MYO18A: variants seen among roughly 807,000 people sequenced by gnomAD.
MYO18A encodes unconventional myosin-XVIIIa.
Under a neutral mutation model 235.8 loss-of-function variants are expected in MYO18A, and 78 were observed. The ratio of observed to expected loss-of-function variants is 0.33; its 90% CI spans 0.28 to 0.40. The LOEUF (loss-of-function observed/expected upper bound fraction) is 0.40. Ranked by LOEUF, MYO18A falls within the 10% of genes least tolerant of loss-of-function variation. MYO18A has a pLI of 1.00. For missense variants in MYO18A, 2,215 were observed against 2,699.3 expected (o/e 0.82, Z 3.98); for synonymous variants, 977 against 1,077.8 (o/e 0.91, Z 1.83).
intron 2 of MYO18A, chr17:29,128,290 G>C: frequency 8.4e-7 from 1 of 1,195,346 alleles, no homozygotes; most frequent in Non-Finnish European, 1.1e-6. Flanking sequence ...CTCTGCCTGG[G>C]GTCTCCTTGG....
chr17:29,140,286 A>G lies in MYO18A; in HGVS notation c.1000-18033T>C. 3.5e-6 allele frequency: 4 copies of G among 1,155,082 alleles called. No individual in the cohort carries two copies. The highest frequency in any genetic ancestry group is 3.8e-5 in the Admixed American group (1 of 26,646). The allele number at this position is 1,155,082 out of a possible 1,614,324, so 71.6% of individuals were successfully genotyped here. ...GGTCCCTCCTTTCCTAAATGAGGAAATAGCATGAGGAGCCTGGGACATTTC... is the reference window on the plus strand; with the variant it reads ...GGTCCCTCCTTTCCTAAATGAGGAAGTAGCATGAGGAGCCTGGGACATTTC... On this transcript the variant is annotated intron_variant, in intron 2 of 41. Coordinates refer to ENST00000527372, the MANE Select transcript of MYO18A (RefSeq NM_078471.4). This position sits in a 1 kb window ranked among gnomAD's most constrained non-coding sequence, Gnocchi z 4.2.
rs950665143 is a variant in MYO18A, at chr17:29,107,642, C to T, written c.3332-453G>A. ...AAAAAAAAAAAGACACCAGGCCAGG[C>T]GTGGTGGCTCACGCCTGTAATCCTA... On this transcript the variant is annotated intron_variant, in intron 19 of 41. Coordinates refer to ENST00000527372, the MANE Select transcript of MYO18A (RefSeq NM_078471.4). 10 of 149,668 alleles carry T rather than the reference C, an allele frequency of 6.7e-5. No individual in the cohort carries two copies. The South Asian group carries it at 2.0e-3, about 30-fold the overall frequency. 9.3% of individuals were successfully genotyped at this position (149,668 alleles called of 1,614,324 possible).
rs1446694573 is a variant in MYO18A at position 29,086,563 on chromosome 17, T to C, written c.5727A>G (p.Glu1909=). ...RKKHELEMDL[E]SLEAANQSLQ... ...GGCTCTGGTTAGCAGCCTCCAGGCT[T>C]TCTAGATCCATCTCCTAGGAGGAAG... is the stretch of plus-strand genomic sequence containing the variant. Residue 1909 remains glutamate, a synonymous_variant, in exon 39 of 42, where the codon GAA becomes GAG. Transcript: ENST00000527372. The C allele has an allele frequency of 6.2e-6, 10 of 1,613,246 alleles. No individual in the cohort carries two copies. The highest frequency in any genetic ancestry group is 1.3e-5 in the African/African-American group (1 of 74,892).
At chr17:29,115,238 G>T in intron 13 of MYO18A, 113 bp downstream of exon 13, 1 of 1,436,508 alleles carries the variant, frequency 7.0e-7, no homozygotes, top group Non-Finnish European at 9.5e-7. Context: ...TAGCCCATGG[G>T]ACAGGGAGCC....
At chr17:29,088,114 C>A (rs947463414) in intron 37 of MYO18A, among the ~76,000 whole-genome samples, 2 of 138,654 alleles carry the variant, frequency 1.4e-5, no homozygotes, top group African/African-American at 5.5e-5. Context: ...AGTGCAGTGG[C>A]GCGATCTCCG....
At chr17:29,141,461 T>G (rs1429654791) in intron 2 of MYO18A, among the ~76,000 whole-genome samples, 46 of 148,424 alleles carry the variant, frequency 3.1e-4, no homozygotes, top group Middle Eastern at 3.5e-3. Flanking sequence ...GGGGTGGGGG[T>G]GGTGCTAGGA....
At chr17:29,128,348 A>C (rs1210922251) in intron 2 of MYO18A, 1 of 1,277,832 alleles carries the variant, frequency 7.8e-7, no homozygotes, top group Admixed American at 2.4e-5. Flanking sequence ...CACCTTCCTC[A>C]CTGCATTTGC....
rs2068109994 is a variant in MYO18A at position 29,158,634 on chromosome 17, C to A, written c.999+7308G>T. Among the ~76,000 whole-genome samples the A allele has an allele frequency of 6.6e-6, 1 of 152,192 alleles. No individual in the cohort carries two copies. The highest frequency in any genetic ancestry group is 2.4e-5 in the African/African-American group (1 of 41,452). On this transcript the variant is annotated intron_variant, in intron 2 of 41. Transcript: ENST00000527372. The surrounding 1 kb of genome is among the most constrained non-coding windows in gnomAD (Gnocchi z 4.3). Reference sequence around the variant, plus strand: ...CCTGCCCAGGCAGCAGGGGAGCCCTCACCTCAGCTGGGTCACCAGTCCCCA... The same window carrying A: ...CCTGCCCAGGCAGCAGGGGAGCCCTAACCTCAGCTGGGTCACCAGTCCCCA...
intron 2 of MYO18A, among the ~76,000 whole-genome samples, chr17:29,128,796 C>T (rs1482889257): frequency 6.6e-6 from 1 of 152,236 alleles, no homozygotes; most frequent in Non-Finnish European, 1.5e-5. Context: ...CTGTCACCTG[C>T]TGTCTATCCC....
At position 29,083,516 on chromosome 17, in the gene MYO18A, A is replaced by ATG. The variant is rs766346135; in HGVS notation, c.5898-1080_5898-1079dup. Among the ~76,000 whole-genome samples, 209 of 144,314 alleles carry ATG rather than the reference A, an allele frequency of 1.4e-3. 1 individual carries two copies. Among genetic ancestry groups the ATG allele is most frequent in the Non-Finnish European group, 2.3e-3 (149 of 65,744 alleles). The allele number at this position is 144,314 out of a possible 152,430, so 94.7% of individuals were successfully genotyped here. ...TTCTTAAATAAACAGCCACACAGGC[A>ATG]TGTGTGCGCGCGCGCGCACACACAC... On this transcript the variant is annotated intron_variant, in intron 40 of 41. Transcript: ENST00000527372.
chr17:29,104,300 A>G (rs1319680932), intron 20 of MYO18A, among the ~76,000 whole-genome samples: 1 of 152,222 alleles, frequency 6.6e-6, no homozygotes, highest in Non-Finnish European at 1.5e-5. Context: ...GCCTGGCCCA[A>G]GGGAAAGAGA....
Position 29,121,910 on chromosome 17 carries a change from G to T in MYO18A, c.1135C>A (p.Arg379Ser). The T allele has an allele frequency of 6.2e-7, 1 of 1,613,738 alleles. No homozygotes were observed. The highest frequency in any genetic ancestry group is 8.5e-7 in the Non-Finnish European group (1 of 1,179,824). ...GCCCCATCGTGGTCCAGCTTCACAC[G>T]CACCTTCCCCTCAGGCAAGTTGAGC... ...EELNLPEGKVRVKLDHDGAIL... is the reference protein window; with the variant it reads ...EELNLPEGKVSVKLDHDGAIL... The change falls in exon 4 of 42, where the codon CGT (arginine) becomes AGT (serine). Residue 379 changes from arginine (R) to serine (S), a missense_variant. Coordinates refer to ENST00000527372, the MANE Select transcript of MYO18A (RefSeq NM_078471.4). This position sits in a 1 kb window ranked among gnomAD's most constrained non-coding sequence, Gnocchi z 4.2.
intron 1 of MYO18A, among the ~76,000 whole-genome samples, chr17:29,179,775 A>T (rs1366107989): frequency 1.3e-5 from 2 of 152,214 alleles, no homozygotes; most frequent in African/African-American, 4.8e-5. Context: ...GCTGTCTAGC[A>T]GCTGCTCCTT....
At chr17:29,103,239 C>T (rs1880756814) in intron 21 of MYO18A, among the ~76,000 whole-genome samples, 1 of 152,252 alleles carries the variant, frequency 6.6e-6, no homozygotes, top group African/African-American at 2.4e-5. Flanking sequence ...TCTTCCAGCC[C>T]ACATCCTCTG....
chr17:29,145,029 T>C (rs2067818455), intron 2 of MYO18A, among the ~76,000 whole-genome samples: 1 of 152,196 alleles, frequency 6.6e-6, no homozygotes, highest in Non-Finnish European at 1.5e-5. Context: ...TACAGTAATA[T>C]AGTTTCTTTC....
At position 29,099,749 on chromosome 17, in the gene MYO18A, G is replaced by T; in HGVS notation, c.3521C>A (p.Ala1174Glu). The change falls in exon 22 of 42, where the codon GCG (alanine) becomes GAG (glutamate). Residue 1174 changes from alanine to glutamate, a missense_variant. Transcript: ENST00000527372. ...CTCCTCCAGCCGTGCCAAGGTGCCC[G>T]CCCGGAAGAACACCTGTGAAAAAGC... The part of the protein sequence containing the change: ...CMGLSRVFFR[A>E]GTLARLEEQR... The T allele has an allele frequency of 6.2e-7, 1 of 1,612,778 alleles. No individual in the cohort carries two copies. The highest frequency in any genetic ancestry group is 8.5e-7 in the Non-Finnish European group (1 of 1,179,718).
chr17:29,089,867 C>T, intron 37 of MYO18A, 94 bp downstream of exon 37: 1 of 1,524,606 alleles, frequency 6.6e-7, no homozygotes, highest in Non-Finnish European at 8.9e-7. Context: ...TGAGGACTGT[C>T]CGGGGGCCTG....
chr17:29,145,328 GACA>G (rs1190245050), intron 2 of MYO18A, among the ~76,000 whole-genome samples: 1 of 152,224 alleles, frequency 6.6e-6, no homozygotes, highest in Non-Finnish European at 1.5e-5. Flanking sequence ...CATGTGTGGT[GACA>G]ACTTCAACTG....
Position 29,092,959 on chromosome 17 carries a change from C to T in MYO18A, c.4969G>A (p.Asp1657Asn), listed in dbSNP as rs1434154679. 13 of 1,613,704 alleles carry T rather than the reference C, an allele frequency of 8.1e-6. No individual in the cohort carries two copies. In the South Asian group the frequency reaches 1.2e-4, roughly 15 times the overall value. The change falls in exon 33 of 42, where the codon GAC (aspartate) becomes AAC (asparagine). Residue 1657 changes from aspartate to asparagine, a missense_variant. Asp to Asn is a conservative substitution (Grantham distance 23). Coordinates refer to ENST00000527372, the MANE Select transcript of MYO18A (RefSeq NM_078471.4). ...DFESEKRLRK[D>N]LKRTKALLAD... ...AGCAGGGCCTTGGTGCGCTTCAGGTCCTTCCGCAGCCGCTTCTCTGACTCA... is the reference window on the plus strand; with the variant it reads ...AGCAGGGCCTTGGTGCGCTTCAGGTTCTTCCGCAGCCGCTTCTCTGACTCA...
Sources: gnomAD v4.1 joint callset for allele counts (sites outside exome capture counted in the v4.1 genomes callset) on GRCh38, gnomAD v4.1.1 for gene constraint, Gnocchi (gnomAD v3.1) non-coding constraint, MANE v1.5 for transcripts, NCBI Gene and HGNC (gene_info 2026-07-23, HGNC 2026-07-21) for gene names.